Variants in SCFD2 observed in about 807,000 individuals in gnomAD.
SCFD2 encodes the protein sec1 family domain-containing protein 2.
In SCFD2, 54 loss-of-function variants were observed where a neutral mutation model predicts 58.9. The ratio of observed to expected loss-of-function variants is 0.92; its 90% CI spans 0.74 to 1.15. The LOEUF is 1.15. SCFD2 is among the 50% of genes most tolerant of loss of function. SCFD2 has a pLI of 0.00. For synonymous variants in SCFD2, 321 were observed against 335.9 expected (o/e 0.96, Z 0.49); for missense variants, 805 against 836.6 (o/e 0.96, Z 0.47).
At chr4:53,229,001 G>C (rs1331288947) in intron 4 of SCFD2, among the ~76,000 whole-genome samples, 1 of 152,084 alleles carries the variant, frequency 6.6e-6, no homozygotes, top group Non-Finnish European at 1.5e-5. Context: ...GCCAAATCAT[G>C]AGTGAACTCC....
chr4:52,979,069 G>GGA (rs1300662615), intron 5 of SCFD2, among the ~76,000 whole-genome samples: 4 of 150,662 alleles, frequency 2.7e-5, no homozygotes, highest in Non-Finnish European at 4.4e-5. Flanking sequence ...TTTTTTTGGG[G>GGA]GGGGGAGTAG....
intron 8 of SCFD2, among the ~76,000 whole-genome samples, chr4:52,876,722 C>G (rs1053579753): frequency 7.0e-6 from 1 of 143,530 alleles, no homozygotes; most frequent in East Asian, 2.1e-4. Flanking sequence ...TGCTCTCCAG[C>G]CTGGGTAACA....
chr4:53,247,084 G>T (rs1009333001), intron 4 of SCFD2, among the ~76,000 whole-genome samples: 2 of 148,580 alleles, frequency 1.3e-5, no homozygotes, highest in Non-Finnish European at 3.0e-5. Context: ...AAAAACAAAA[G>T]TTGAGCAAAG....
At chr4:53,099,598 A>T (rs1724770343) in intron 5 of SCFD2, among the ~76,000 whole-genome samples, 1 of 152,230 alleles carries the variant, frequency 6.6e-6, no homozygotes, top group Admixed American at 6.5e-5. Flanking sequence ...AAGGGGAGCC[A>T]GCATGTGCAG....
intron 5 of SCFD2, among the ~76,000 whole-genome samples, chr4:53,089,212 T>A (rs976669429): frequency 1.3e-5 from 2 of 152,198 alleles, no homozygotes; most frequent in African/African-American, 4.8e-5. Context: ...CTATTAAATT[T>A]TTTGTTCATT....
intron 5 of SCFD2, chr4:52,949,016 C>G (rs1250752492): frequency 1.9e-5 from 3 of 153,846 alleles, no homozygotes; most frequent in African/African-American, 7.2e-5. Context: ...GACAGGCAGC[C>G]CCAAGACTGG....
chr4:53,249,574 A>C (rs1163103151), intron 4 of SCFD2, among the ~76,000 whole-genome samples: 1 of 152,258 alleles, frequency 6.6e-6, no homozygotes, highest in African/African-American at 2.4e-5. Context: ...GGTTACCCAC[A>C]AAGGGAAGCC....
rs1021260788 is a variant in SCFD2, at chr4:52,910,534, T to C, written c.1708-2943A>G. 5.9e-5 allele frequency among the ~76,000 whole-genome samples: 9 copies of C among 152,230 alleles called. No individual in the cohort carries two copies. The East Asian group carries it at 1.7e-3, about 29-fold the overall frequency. ...AGAAAGCATGAAGGGAACATAAAGA[T>C]ATAAAAGGACATTTCCTCCTTCCAG... is the stretch of plus-strand genomic sequence containing the variant. On this transcript the variant is annotated intron_variant, in intron 6 of 8. Transcript: ENST00000401642.
intron 4 of SCFD2, among the ~76,000 whole-genome samples, chr4:53,213,640 T>A (rs1394806915): frequency 6.6e-6 from 1 of 152,134 alleles, no homozygotes; most frequent in Non-Finnish European, 1.5e-5. Flanking sequence ...ATTCATTTAA[T>A]AATGCCATAC....
At chr4:53,104,247 A>G (rs1255427214) in intron 5 of SCFD2, among the ~76,000 whole-genome samples, 2 of 152,142 alleles carry the variant, frequency 1.3e-5, no homozygotes, top group East Asian at 1.9e-4. Flanking sequence ...CATCATGTCA[A>G]TGGTATATAC....
At position 53,352,756 on chromosome 4, in the gene SCFD2, T is replaced by C. The variant is rs1401191520; in HGVS notation, c.849A>G (p.Gly283=). ...TCTCTACTAAGTTGTCTCCATGATG[T>C]CCAACTGCTCCTGTTTAAGCAGACA... ...DRTLDLTGAV[G]HHGDNLVEKI... Residue 283 remains glycine, a synonymous_variant, in exon 2 of 9, where the codon GGA becomes GGG. Coordinates refer to ENST00000401642, the MANE Select transcript of SCFD2 (RefSeq NM_152540.4). 1 of 1,613,502 alleles carries C rather than the reference T, an allele frequency of 6.2e-7. No homozygotes were observed. The highest frequency in any genetic ancestry group is 1.3e-5 in the African/African-American group (1 of 74,930).
intron 4 of SCFD2, among the ~76,000 whole-genome samples, chr4:53,214,553 T>C (rs146334534): frequency 0.98 from 148,737 of 152,148 alleles, 72,832 homozygotes; most frequent in Middle Eastern, 1. Flanking sequence ...TGGATATTAG[T>C]CCTTTGTCAG....
chr4:53,280,605 A>C lies in SCFD2; in HGVS notation c.1136-6604T>G, dbSNP rs78414882. On this transcript the variant is annotated intron_variant, in intron 3 of 8. Transcript: ENST00000401642. ...AAAACCCTTGATATAAGAAACAGTC[A>C]TATCGTCATTGCATGTTTTTTATTC... 3.9e-3 allele frequency among the ~76,000 whole-genome samples: 587 copies of C among 152,278 alleles called. 3 individuals are homozygous for C. The highest frequency in any genetic ancestry group is 5.5e-3 in the Non-Finnish European group (371 of 68,020).
intron 3 of SCFD2, among the ~76,000 whole-genome samples, chr4:53,301,770 A>C (rs1486098899): frequency 6.6e-6 from 1 of 152,192 alleles, no homozygotes; most frequent in Non-Finnish European, 1.5e-5. Flanking sequence ...AGTGGGCTTC[A>C]TCCCTGGGAT....
chr4:53,292,089 A>T (rs1731859866), intron 3 of SCFD2, among the ~76,000 whole-genome samples: 1 of 152,114 alleles, frequency 6.6e-6, no homozygotes, highest in South Asian at 2.1e-4. Flanking sequence ...CCAAAACTAT[A>T]AAAACCCTAG....
intron 4 of SCFD2, among the ~76,000 whole-genome samples, chr4:53,179,705 C>A (rs1417579043): frequency 6.6e-6 from 1 of 152,048 alleles, no homozygotes; most frequent in Non-Finnish European, 1.5e-5. Flanking sequence ...CACAGACTGG[C>A]AAATTGGATC....
chr4:53,219,265 T>C (rs1728967590), intron 4 of SCFD2, among the ~76,000 whole-genome samples: 1 of 152,180 alleles, frequency 6.6e-6, no homozygotes, highest in Non-Finnish European at 1.5e-5. Context: ...CAGGCCTCCT[T>C]GAGCTGCCGT....
rs539818974 is a variant in SCFD2 at position 52,889,962 on chromosome 4, T to A, written c.1843-4096A>T. ...TTTGTGCTTAGTACTTAGCACCTGGTAAGCTTTCAGTAAATGTTGCATGAA... is the reference window on the plus strand; with the variant it reads ...TTTGTGCTTAGTACTTAGCACCTGGAAAGCTTTCAGTAAATGTTGCATGAA... On this transcript the variant is annotated intron_variant, in intron 7 of 8. Coordinates refer to ENST00000401642, the MANE Select transcript of SCFD2 (RefSeq NM_152540.4). 2.5e-3 allele frequency among the ~76,000 whole-genome samples: 374 copies of A among 152,352 alleles called. 1 individual carries two copies. Among genetic ancestry groups the A allele is most frequent in the African/African-American group, 8.4e-3 (350 of 41,588 alleles).
intron 5 of SCFD2, among the ~76,000 whole-genome samples, chr4:53,115,032 T>G (rs1725281492): frequency 6.6e-6 from 1 of 151,876 alleles, no homozygotes; most frequent in Non-Finnish European, 1.5e-5. Context: ...TAAAAAAATG[T>G]TTAAATAACC....
Sources: gnomAD v4.1 joint callset for allele counts (sites outside exome capture counted in the v4.1 genomes callset) on GRCh38, gnomAD v4.1.1 for gene constraint, MANE v1.5 for transcripts, NCBI Gene and HGNC (gene_info 2026-07-23, HGNC 2026-07-21) for gene names.